CLIC4: variants seen among roughly 807,000 people sequenced by gnomAD.
CLIC4 encodes the protein CLIC family member 4.
CLIC4 carries 13 observed loss-of-function variants against 24.6 expected under a neutral mutation model. The observed-to-expected ratio is 0.53, with a 90% CI of 0.34 to 0.84. The LOEUF (loss-of-function observed/expected upper bound fraction) is 0.84. CLIC4 is among the 40% of genes least tolerant of loss of function. The probability of loss-of-function intolerance (pLI) is 0.01; values close to 1 mark genes in which losing one functional copy is unlikely to be tolerated. For synonymous variants in CLIC4, 104 were observed against 111.3 expected (o/e 0.93, Z 0.41); for missense variants, 227 against 301.7 (o/e 0.75, Z 1.83).
At chr1:24,793,650 T>C (rs897927577) in intron 1 of CLIC4, among the ~76,000 whole-genome samples, 3 of 152,228 alleles carry the variant, frequency 2.0e-5, no homozygotes, top group African/African-American at 2.4e-5. Flanking sequence ...GGAATTAATA[T>C]GATTCATTCT....
intron 1 of CLIC4, among the ~76,000 whole-genome samples, chr1:24,783,012 C>A (rs914065086): frequency 6.6e-6 from 1 of 151,932 alleles, no homozygotes; most frequent in Non-Finnish European, 1.5e-5. Context: ...AACAAAAAAA[C>A]AGTTCAAAGA....
intron 3 of CLIC4, among the ~76,000 whole-genome samples, chr1:24,816,308 C>T (rs561651499): frequency 1.8e-4 from 24 of 133,458 alleles, no homozygotes; most frequent in Middle Eastern, 0.012. Context: ...GATGCGATCT[C>T]GGCTCACTGC....
chr1:24,797,584 TGAAA>T (rs1055736070), intron 1 of CLIC4, among the ~76,000 whole-genome samples, 154 bp from the exon 2 acceptor site: 3 of 144,588 alleles, frequency 2.1e-5, no homozygotes, highest in Non-Finnish European at 4.5e-5. Context: ...AAAAGGCTAA[TGAAA>T]GAACAAAATA....
At chr1:24,776,524 A>G (rs932452039) in intron 1 of CLIC4, among the ~76,000 whole-genome samples, 3 of 152,246 alleles carry the variant, frequency 2.0e-5, no homozygotes, top group Non-Finnish European at 4.4e-5. Context: ...TTAAAAACAG[A>G]AACCTTTAAA....
intron 1 of CLIC4, among the ~76,000 whole-genome samples, chr1:24,795,689 G>GC (rs934646650): frequency 4.7e-4 from 72 of 152,236 alleles, no homozygotes; most frequent in African/African-American, 1.6e-3. Context: ...TCCTGTCTCA[G>GC]CCCCCCGGGT....
Position 24,804,596 on chromosome 1 carries a change from T to TGA in CLIC4, c.182+6746_182+6747dup, listed in dbSNP as rs1206967828. ...GTGGGTGGGGATGTGTGTGTGTGTG[T>TGA]GATTGAGAGGGGAGGGAGATATAGA... On this transcript the variant is annotated intron_variant, in intron 2 of 5. Coordinates refer to ENST00000374379, the MANE Select transcript of CLIC4 (RefSeq NM_013943.3). Among the ~76,000 whole-genome samples the TGA allele has an allele frequency of 2.0e-5, 3 of 150,370 alleles. No individual in the cohort carries two copies. The East Asian group carries it at 5.9e-4, about 29-fold the overall frequency.
chr1:24,753,050 C>T (rs752262115), intron 1 of CLIC4, among the ~76,000 whole-genome samples: 1 of 152,090 alleles, frequency 6.6e-6, no homozygotes, highest in South Asian at 2.1e-4. Flanking sequence ...AATGTGGGCT[C>T]TATTAGTAGG....
chr1:24,805,317 G>T (rs1007771828), intron 2 of CLIC4, among the ~76,000 whole-genome samples: 32 of 152,190 alleles, frequency 2.1e-4, no homozygotes, highest in African/African-American at 7.2e-4. Flanking sequence ...TGGTGTGTGT[G>T]TTTTGTTGAG....
In CLIC4 at chr1:24,835,318, T is replaced by C. The variant is rs1476561842; in HGVS notation, c.416-4542T>C. Among the ~76,000 whole-genome samples, 3 of 152,194 alleles carry C rather than the reference T, an allele frequency of 2.0e-5. No homozygotes were observed. The East Asian group carries it at 5.8e-4, about 29-fold the overall frequency. The stretch of plus-strand genomic sequence containing the variant: ...TGGCTCACGCCTGTAATCCCAGCAC[T>C]TGGGGAGGCCAAGGCAGGTGGATCG... On this transcript the variant is annotated intron_variant, in intron 4 of 5. Coordinates refer to ENST00000374379, the MANE Select transcript of CLIC4 (RefSeq NM_013943.3).
chr1:24,791,102 T>C (rs1303244638), intron 1 of CLIC4, among the ~76,000 whole-genome samples: 2 of 152,220 alleles, frequency 1.3e-5, no homozygotes, highest in African/African-American at 4.8e-5. Flanking sequence ...TGACTTTCTC[T>C]AGTGTTTCAG....
chr1:24,829,594 G>A (rs1243893004), intron 4 of CLIC4, among the ~76,000 whole-genome samples: 1 of 152,084 alleles, frequency 6.6e-6, no homozygotes, highest in Non-Finnish European at 1.5e-5. Flanking sequence ...GGTCCCAACT[G>A]TGACTAGTCA....
chr1:24,834,945 AGGGAGAGGGAGAC>A (rs1445959145), intron 4 of CLIC4, among the ~76,000 whole-genome samples: 1 of 47,618 alleles, frequency 2.1e-5, no homozygotes, highest in African/African-American at 8.3e-5. Flanking sequence ...GAGACGGGAG[AGGGAGAGGGAGAC>A]GGGAGAGGGA....
At chr1:24,771,748 G>A in intron 1 of CLIC4, 1 of 396,824 alleles carries the variant, frequency 2.5e-6, no homozygotes. Flanking sequence ...CATGTAATTG[G>A]GGTTTTGTAA....
At chr1:24,796,689 A>T (rs993446614) in intron 1 of CLIC4, among the ~76,000 whole-genome samples, 9 of 152,184 alleles carry the variant, frequency 5.9e-5, no homozygotes, top group African/African-American at 2.2e-4. Flanking sequence ...ATACCCTGTG[A>T]TGCTTGTAAA....
Position 24,814,237 on chromosome 1 carries a change from T to A in CLIC4, c.308+18T>A. 6.2e-7 allele frequency: 1 copy of A among 1,602,192 alleles called. No individual in the cohort carries two copies. The highest frequency in any genetic ancestry group is 2.2e-5 in the East Asian group (1 of 44,808). On this transcript the variant is annotated intron_variant, in intron 3 of 5. Transcript: ENST00000374379. ...CCTCCCAAGTGAGTATCAAGGAAAA[T>A]ACGTATGAAAATATTGTCACTTCTT...
At chr1:24,799,603 G>T (rs1303580492) in intron 2 of CLIC4, among the ~76,000 whole-genome samples, 3 of 147,028 alleles carry the variant, frequency 2.0e-5, no homozygotes, top group Admixed American at 1.3e-4. Flanking sequence ...GGAGGTGGGG[G>T]GGTCAGCCCC....
rs113202747 is a variant in CLIC4, at chr1:24,762,707, G to A, written c.72+17082G>A. Among the ~76,000 whole-genome samples the A allele has an allele frequency of 1.6e-3, 243 of 152,256 alleles. 1 individual carries two copies. Among genetic ancestry groups the A allele is most frequent in the African/African-American group, 5.5e-3 (227 of 41,556 alleles). On this transcript the variant is annotated intron_variant, in intron 1 of 5. Transcript: ENST00000374379. ...ACCCTGGAAGTTACTGGCAACCTTC[G>A]TAGTAACAGCTTTGGTGGAGTAGTG... is the stretch of plus-strand genomic sequence containing the variant.
chr1:24,764,395 C>T (rs1421873555), intron 1 of CLIC4, among the ~76,000 whole-genome samples: 11 of 151,494 alleles, frequency 7.3e-5, no homozygotes, highest in South Asian at 6.3e-4. Flanking sequence ...CCACCACGTC[C>T]GGCCAAGGCT....
rs1186816206 is a variant in CLIC4, at chr1:24,797,859, A to G, written c.182+8A>G. ...GACTGTTGACCTGAAAAGGTAAGACATGGTCGCAGTTTGCAATCAACTTAA... is the reference window on the plus strand; with the variant it reads ...GACTGTTGACCTGAAAAGGTAAGACGTGGTCGCAGTTTGCAATCAACTTAA... On this transcript the variant is annotated splice_region_variant and intron_variant, in intron 2 of 5. Coordinates refer to ENST00000374379, the MANE Select transcript of CLIC4 (RefSeq NM_013943.3). 6.3e-7 allele frequency: 1 copy of G among 1,588,966 alleles called. No individual in the cohort carries two copies. Among genetic ancestry groups the G allele is most frequent in the East Asian group, 2.2e-5 (1 of 44,628 alleles).
Sources: allele counts gnomAD v4.1 joint callset (sites outside exome capture counted in the v4.1 genomes callset), GRCh38; gene constraint gnomAD v4.1.1; transcripts MANE v1.5; gene names NCBI Gene and HGNC (gene_info 2026-07-23, HGNC 2026-07-21).